DMD: variants seen among roughly 807,000 people sequenced by gnomAD.
DMD encodes mutant dystrophin.
A neutral mutation model predicts 330.1 loss-of-function variants in DMD; 63 were observed. The observed-to-expected ratio is 0.19, with a 90% confidence interval of 0.16 to 0.24. DMD has a LOEUF of 0.24. Ranked by LOEUF, DMD falls within the 10% of genes least tolerant of loss-of-function variation. The pLI, the probability that DMD is intolerant of heterozygous loss-of-function variation, is 1.00. For missense variants in DMD, 3,344 were observed against 2,684.1 expected, an observed-to-expected ratio of 1.25 and a Z score of -5.43; for synonymous variants, 1,223 against 959.8, an observed-to-expected ratio of 1.27 and a Z score of -5.07.
At chrX:32,410,031 G>T (rs763432087) in intron 30 of DMD, among the ~76,000 whole-genome samples, 1 of 111,335 alleles carries the variant, frequency 9.0e-6, no homozygotes, top group Non-Finnish European at 1.9e-5. Flanking sequence ...GACTCAAACT[G>T]GGACGGACTT....
At chrX:31,173,200 CA>C (rs2040178785) in intron 72 of DMD, among the ~76,000 whole-genome samples, 1 of 111,137 alleles carries the variant, frequency 9.0e-6, no homozygotes, top group Non-Finnish European at 1.9e-5. Flanking sequence ...AATATAGTAT[CA>C]TTTTTTCATA....
In DMD at chrX:32,390,055, C is replaced by A; in HGVS notation, c.4344+16G>T. The A allele has an allele frequency of 7.7e-6, 9 of 1,174,279 alleles. No individual in the cohort carries two copies. The highest frequency in any genetic ancestry group is 1.0e-5 in the Non-Finnish European group (9 of 861,780). On this transcript the variant is annotated intron_variant, in intron 31 of 78. Coordinates refer to ENST00000357033, the MANE Select transcript of DMD (RefSeq NM_004006.3). Reference sequence around the variant, plus strand: ...CCAACGAAAACACGTTCCTTAGTTTCTGAAATAACATATACCTGTGCAACA... The same window carrying A: ...CCAACGAAAACACGTTCCTTAGTTTATGAAATAACATATACCTGTGCAACA...
chrX:32,473,664 G>T (rs996388664), intron 21 of DMD, among the ~76,000 whole-genome samples: 3 of 110,891 alleles, frequency 2.7e-5, no homozygotes, highest in Non-Finnish European at 5.7e-5. Flanking sequence ...GTTAGAAATG[G>T]ATAATTTTTT....
intron 1 of DMD, among the ~76,000 whole-genome samples, chrX:33,174,374 T>C (rs1033708878): frequency 1.8e-5 from 2 of 111,536 alleles, no homozygotes; most frequent in African/African-American, 6.5e-5. Flanking sequence ...TTATAATAAA[T>C]GTTGCTGTGG....
chrX:32,174,755 ATT>A (rs201374538), intron 44 of DMD, among the ~76,000 whole-genome samples: 4 of 105,267 alleles, frequency 3.8e-5, no homozygotes, highest in Admixed American at 1.0e-4. Flanking sequence ...TTCTATAGAT[ATT>A]TTTTTTTTTT....
At chrX:32,076,614 T>C (rs1384178914) in intron 44 of DMD, among the ~76,000 whole-genome samples, 1 of 110,852 alleles carries the variant, frequency 9.0e-6, no homozygotes, top group Non-Finnish European at 1.9e-5. Context: ...CTCTTGACCA[T>C]GTGATCCGCC....
Position 31,149,810 on chromosome X carries a change from T to G in DMD, c.10554-2292A>C, listed in dbSNP as rs1403427144. On this transcript the variant is annotated intron_variant, in intron 74 of 78. Transcript: ENST00000357033. ...GTGCCTTATGTTTTGTAATTCTTAC[T>G]GTGATTTCTTTTAACTTAACCCATA... Among the ~76,000 whole-genome samples, 3 of 112,151 alleles carry G rather than the reference T, an allele frequency of 2.7e-5. No homozygotes were observed. In the Admixed American group the frequency reaches 2.8e-4, roughly 11 times the overall value.
At chrX:32,101,140 T>C (rs1055895864) in intron 44 of DMD, among the ~76,000 whole-genome samples, 55 of 112,040 alleles carry the variant, frequency 4.9e-4, no homozygotes, top group Non-Finnish European at 9.6e-4. Flanking sequence ...TGTATAAGTG[T>C]TTATATACAT....
At chrX:32,835,039 G>C (rs1017212423) in intron 4 of DMD, among the ~76,000 whole-genome samples, 3 of 111,129 alleles carry the variant, frequency 2.7e-5, no homozygotes, top group African/African-American at 9.8e-5. Context: ...TCCTTTACCA[G>C]ACAAAAAATT....
intron 48 of DMD, among the ~76,000 whole-genome samples, chrX:31,862,936 C>G (rs1248380481): frequency 1.8e-5 from 2 of 112,976 alleles, no homozygotes; most frequent in Non-Finnish European, 3.7e-5. Flanking sequence ...GCAGCAGTTA[C>G]GTCAGGCCAG....
upstream of DMD, among the ~76,000 whole-genome samples, chrX:33,214,957 T>G (rs746479888): frequency 6.2e-5 from 7 of 112,436 alleles, no homozygotes; most frequent in South Asian, 7.3e-4. Context: ...TCGGCCAGTT[T>G]GTAAAAAGAA....
At chrX:31,552,335 G>A (rs185820381) in intron 55 of DMD, among the ~76,000 whole-genome samples, 2 of 111,210 alleles carry the variant, frequency 1.8e-5, no homozygotes, top group African/African-American at 6.5e-5. Flanking sequence ...ACCACACCCA[G>A]CTAAGTTTTT....
At chrX:32,594,928 C>G (rs813425) in intron 13 of DMD, among the ~76,000 whole-genome samples, 58,924 of 110,181 alleles carry the variant, frequency 0.53, 13,405 homozygotes, top group African/African-American at 0.89. Flanking sequence ...GGGATGGAAT[C>G]AAAGAAAAGT....
chrX:31,580,633 T>C (rs2076299590), intron 55 of DMD, among the ~76,000 whole-genome samples: 1 of 112,069 alleles, frequency 8.9e-6, no homozygotes, highest in Non-Finnish European at 1.9e-5. Flanking sequence ...AATGATACTT[T>C]TGCCAGGTAA....
chrX:32,710,878 T>C (rs921597692), intron 7 of DMD, among the ~76,000 whole-genome samples: 2 of 111,026 alleles, frequency 1.8e-5, no homozygotes, highest in Non-Finnish European at 3.8e-5. Context: ...TAATGATAAT[T>C]GTAAAAAATG....
intron 9 of DMD, among the ~76,000 whole-genome samples, chrX:32,690,160 G>C (rs1170533418): frequency 9.1e-6 from 1 of 109,705 alleles, no homozygotes; most frequent in Non-Finnish European, 1.9e-5. Flanking sequence ...GAAAACCCTA[G>C]AATCCATTAA....
At chrX:33,120,918 G>C (rs945297112) in intron 1 of DMD, among the ~76,000 whole-genome samples, 1 of 106,895 alleles carries the variant, frequency 9.4e-6, no homozygotes, top group Non-Finnish European at 1.9e-5. Flanking sequence ...CTTTTTAAAG[G>C]GGTTATTATT....
intron 47 of DMD, among the ~76,000 whole-genome samples, chrX:31,911,360 G>A (rs141594748): frequency 4.3e-4 from 48 of 112,068 alleles, no homozygotes; most frequent in Non-Finnish European, 7.7e-4. Flanking sequence ...CTGAGCTCAG[G>A]TTTCAGCTTC....
At chrX:32,974,680 A>T (rs1234360229) in intron 2 of DMD, among the ~76,000 whole-genome samples, 1 of 111,552 alleles carries the variant, frequency 9.0e-6, no homozygotes, top group East Asian at 2.8e-4. Flanking sequence ...ACAAACAAAC[A>T]GTAGCAATAA....
Sources: gnomAD v4.1 joint callset for allele counts (sites outside exome capture counted in the v4.1 genomes callset) on GRCh38, gnomAD v4.1.1 for gene constraint, MANE v1.5 for transcripts, NCBI Gene and HGNC (gene_info 2026-07-23, HGNC 2026-07-21) for gene names.